Variants in KIAA0232 observed in about 807,000 individuals in gnomAD.
The protein encoded by KIAA0232 is uncharacterized protein KIAA0232.
Under a neutral mutation model 122.0 loss-of-function variants are expected in KIAA0232, and 27 were observed. The observed-to-expected ratio is 0.22, with a 90% CI of 0.16 to 0.31. KIAA0232 has a LOEUF of 0.31. Ranked by LOEUF, KIAA0232 falls within the 10% of genes least tolerant of loss-of-function variation. KIAA0232 has a pLI of 1.00. For synonymous variants in KIAA0232, 613 were observed against 587.6 expected (o/e 1.04, Z -0.63); for missense variants, 1,551 against 1,634.2 (o/e 0.95, Z 0.88).
At chr4:6,872,793 C>T (rs1184564192) in intron 8 of KIAA0232, among the ~76,000 whole-genome samples, 1 of 152,250 alleles carries the variant, frequency 6.6e-6, no homozygotes. Flanking sequence ...AGCCACGATG[C>T]CCTGCACACG....
intron 3 of KIAA0232, 63 bp from the exon 4 acceptor site, chr4:6,842,004 A>G: frequency 6.3e-7 from 1 of 1,576,006 alleles, no homozygotes; most frequent in South Asian, 1.1e-5. Flanking sequence ...TGTGTGTGGT[A>G]GGTGGAACAT....
chr4:6,819,718 A>T (rs151116679), intron 2 of KIAA0232, among the ~76,000 whole-genome samples: 96 of 152,332 alleles, frequency 6.3e-4, no homozygotes, highest in African/African-American at 2.2e-3. Context: ...TTAAAACAGA[A>T]CTACCATTTG....
intron 9 of KIAA0232, among the ~76,000 whole-genome samples, chr4:6,880,414 C>T (rs545422630): frequency 3.7e-4 from 56 of 151,420 alleles, no homozygotes; most frequent in African/African-American, 1.2e-3. Flanking sequence ...GCAACTGGCA[C>T]ATGTTGGTTT....
chr4:6,789,258 A>G lies in KIAA0232; in HGVS notation c.-354+6417A>G, dbSNP rs546450895. ...AGTGCTGGGATTACAGGACTGAGCC[A>G]CCATGCCCGGCCTTTTCTTTTTTTT... On this transcript the variant is annotated intron_variant, in intron 1 of 9. Transcript: ENST00000307659. Among the ~76,000 whole-genome samples the G allele has an allele frequency of 4.6e-3, 684 of 148,586 alleles. 6 individuals carry two copies. Among genetic ancestry groups the G allele is most frequent in the African/African-American group, 0.016 (646 of 40,544 alleles).
chr4:6,834,796 A>G (rs1230828334), intron 3 of KIAA0232, among the ~76,000 whole-genome samples: 1 of 152,216 alleles, frequency 6.6e-6, no homozygotes, highest in Admixed American at 6.5e-5. Flanking sequence ...ATATAGATAG[A>G]ATGAACCTGG....
intron 4 of KIAA0232, among the ~76,000 whole-genome samples, chr4:6,850,536 T>G (rs1160971080): frequency 1.3e-5 from 2 of 152,236 alleles, no homozygotes; most frequent in African/African-American, 4.8e-5. Flanking sequence ...GTTAACATGA[T>G]CTTATAATGT....
chr4:6,873,022 G>A (rs963277875), intron 8 of KIAA0232, among the ~76,000 whole-genome samples: 2 of 152,200 alleles, frequency 1.3e-5, no homozygotes, highest in Non-Finnish European at 2.9e-5. Context: ...TTCACTGTTA[G>A]CGTCTTCGTT....
At chr4:6,880,661 C>A in intron 9 of KIAA0232, 126 bp from the exon 10 acceptor site, 2 of 622,646 alleles carry the variant, frequency 3.2e-6, no homozygotes, top group Non-Finnish European at 2.4e-6. Context: ...TAAAACTCTG[C>A]ATGTTTGTAA....
chr4:6,834,094 A>C (rs60492907), intron 3 of KIAA0232, among the ~76,000 whole-genome samples: 15,667 of 151,868 alleles, frequency 0.1, 1,034 homozygotes, highest in African/African-American at 0.19. Context: ...TTCTTTTCTT[A>C]TTATTATTAT....
chr4:6,848,782 C>T (rs553884090), intron 4 of KIAA0232, among the ~76,000 whole-genome samples: 69 of 152,300 alleles, frequency 4.5e-4, no homozygotes, highest in African/African-American at 1.6e-3. Flanking sequence ...TGTAAGGTGC[C>T]TGTCTGAATA....
intron 1 of KIAA0232, among the ~76,000 whole-genome samples, chr4:6,790,599 G>A (rs1404117463): frequency 6.6e-6 from 1 of 151,730 alleles, no homozygotes; most frequent in Admixed American, 6.6e-5. Context: ...TGCCCAGGCT[G>A]ATATCAAACT....
chr4:6,792,807 A>G (rs1673988058), intron 1 of KIAA0232, among the ~76,000 whole-genome samples: 1 of 150,526 alleles, frequency 6.6e-6, no homozygotes, highest in African/African-American at 2.4e-5. Flanking sequence ...CTCCTGCCTC[A>G]GCCTCCTGAG....
At chr4:6,856,744 GTT>G (rs960462054) in intron 4 of KIAA0232, among the ~76,000 whole-genome samples, 8 of 151,714 alleles carry the variant, frequency 5.3e-5, no homozygotes, top group Non-Finnish European at 1.2e-4. Context: ...CTAAGATGAG[GTT>G]TTGTGATTTT....
intron 2 of KIAA0232, among the ~76,000 whole-genome samples, chr4:6,811,465 CAG>C (rs1717872414): frequency 6.6e-6 from 1 of 152,124 alleles, no homozygotes; most frequent in Non-Finnish European, 1.5e-5. Context: ...CTTTCTGAGA[CAG>C]GGTCTCACTC....
intron 7 of KIAA0232, among the ~76,000 whole-genome samples, chr4:6,870,805 A>AG (rs1437545690): frequency 1.0e-4 from 14 of 137,988 alleles, no homozygotes; most frequent in Admixed American, 3.5e-4. Context: ...CTGTCTTGGA[A>AG]AAAAAAAAAA....
At chr4:6,815,266 C>T (rs1374391094) in intron 2 of KIAA0232, among the ~76,000 whole-genome samples, 1 of 152,160 alleles carries the variant, frequency 6.6e-6, no homozygotes, top group African/African-American at 2.4e-5. Context: ...AGCACTGACC[C>T]TCAGTGCTGT....
chr4:6,807,321 C>T (rs1717684837), intron 2 of KIAA0232, among the ~76,000 whole-genome samples: 1 of 152,144 alleles, frequency 6.6e-6, no homozygotes, highest in South Asian at 2.1e-4. Context: ...TCTATAAGAA[C>T]AATCCTGTTT....
intron 3 of KIAA0232, among the ~76,000 whole-genome samples, chr4:6,832,683 G>C (rs1400359397): frequency 6.6e-6 from 1 of 152,058 alleles, no homozygotes; most frequent in Non-Finnish European, 1.5e-5. Context: ...GTTTTCTGTT[G>C]GATTCCCAGC....
chr4:6,871,592 GAT>G lies in KIAA0232; in HGVS notation c.3824_3825del (p.Ile1275ThrfsTer5). On this transcript the variant is annotated frameshift_variant, in exon 8 of 10. Transcript: ENST00000307659. LOFTEE classifies it high-confidence loss of function. Reference sequence around the variant, plus strand: ...TAAACAGTTCCCTGTATTGAACACTGATATACAAGGAATGAATAGAAGTCAAG... The same window carrying G: ...TAAACAGTTCCCTGTATTGAACACTGATACAAGGAATGAATAGAAGTCAAG... ...QLEEFPVLNTDIQGMNRSQEK... is the reference protein window; with the variant it reads ...QLEEFPVLNTXIQGMNRSQEK... 1 of 1,603,428 alleles carries G rather than the reference GAT, an allele frequency of 6.2e-7. No homozygotes were observed. Among genetic ancestry groups the G allele is most frequent in the Non-Finnish European group, 8.5e-7 (1 of 1,170,518 alleles).
Sources: gnomAD v4.1 joint callset for allele counts (sites outside exome capture counted in the v4.1 genomes callset) on GRCh38, gnomAD v4.1.1 for gene constraint, MANE v1.5 for transcripts, NCBI Gene and HGNC (gene_info 2026-07-23, HGNC 2026-07-21) for gene names.